TCF12: variants seen among roughly 807,000 people sequenced by gnomAD.
TCF12 encodes DNA-binding protein HTF4.
Under a neutral mutation model 86.0 loss-of-function variants are expected in TCF12, and 45 were observed. The observed-to-expected ratio is 0.52, with a 90% CI of 0.41 to 0.67. The LOEUF is 0.67. TCF12 is among the 30% of genes least tolerant of loss of function. TCF12 has a pLI of 0.00. For missense variants in TCF12, 881 were observed against 859.9 expected (o/e 1.02, Z -0.31); for synonymous variants, 330 against 299.6 (o/e 1.10, Z -1.05).
chr15:57,075,787 T>TTTCG (rs2069859403), intron 4 of TCF12, among the ~76,000 whole-genome samples: 1 of 54,428 alleles, frequency 1.8e-5, no homozygotes, highest in African/African-American at 8.4e-5. Flanking sequence ...TCTTTCTTTC[T>TTTCG]TTCTTTCTTT....
At chr15:56,919,708 G>A (rs1302126586) in intron 1 of TCF12, 184 bp from the exon 2 acceptor site, 1 of 447,036 alleles carries the variant, frequency 2.2e-6, no homozygotes, top group Non-Finnish European at 4.0e-6. Context: ...TGGATTCCGG[G>A]ACCCGGCGCG....
chr15:57,262,336 G>A (rs1220682570), intron 17 of TCF12, 128 bp downstream of exon 17: 11 of 716,944 alleles, frequency 1.5e-5, no homozygotes, highest in Admixed American at 8.5e-5. Flanking sequence ...TCCAAATAGC[G>A]TGGAGAGCAG....
intron 4 of TCF12, among the ~76,000 whole-genome samples, chr15:57,080,478 G>T (rs2070532299): frequency 6.6e-6 from 1 of 152,160 alleles, no homozygotes; most frequent in Non-Finnish European, 1.5e-5. Flanking sequence ...AGGAATTGAG[G>T]AAGGGGATAA....
At chr15:57,017,933 AT>A (rs1449796502) in intron 3 of TCF12, among the ~76,000 whole-genome samples, 1 of 152,120 alleles carries the variant, frequency 6.6e-6, no homozygotes, top group Non-Finnish European at 1.5e-5. Context: ...GGGACACCAG[AT>A]TATTTTGGTA....
At chr15:56,979,919 G>C (rs534133244) in intron 3 of TCF12, among the ~76,000 whole-genome samples, 3 of 152,210 alleles carry the variant, frequency 2.0e-5, no homozygotes, top group African/African-American at 4.8e-5. Flanking sequence ...CCTGTTAATC[G>C]TAACAGTGGA....
intron 5 of TCF12, among the ~76,000 whole-genome samples, chr15:57,157,960 C>A (rs2054231699): frequency 6.6e-6 from 1 of 152,092 alleles, no homozygotes; most frequent in Non-Finnish European, 1.5e-5. Flanking sequence ...ACCCACCTCA[C>A]CCTCTCAAAT....
At chr15:56,937,293 A>G (rs1431210166) in intron 3 of TCF12, among the ~76,000 whole-genome samples, 1 of 151,632 alleles carries the variant, frequency 6.6e-6, no homozygotes, top group Admixed American at 6.6e-5. Flanking sequence ...GGTGTATAGT[A>G]GAGCTACTGA....
At chr15:57,039,566 CA>C (rs200977505) in intron 3 of TCF12, among the ~76,000 whole-genome samples, 6,125 of 151,740 alleles carry the variant, frequency 0.04, 369 homozygotes, top group Admixed American at 0.17. Flanking sequence ...TACCCATGAC[CA>C]AAAAAAATCC....
intron 2 of TCF12, 66 bp downstream of exon 2, chr15:56,920,054 C>T (rs140090839): frequency 6.4e-7 from 1 of 1,568,006 alleles, no homozygotes; most frequent in Non-Finnish European, 8.8e-7. Flanking sequence ...TTGTTTGTTT[C>T]TTTTAAATAA....
At chr15:57,160,326 G>C (rs114718814) in intron 5 of TCF12, among the ~76,000 whole-genome samples, 4,761 of 152,160 alleles carry the variant, frequency 0.031, 248 homozygotes, top group African/African-American at 0.11. Flanking sequence ...CAGAGCAAAG[G>C]GGGGAAAAGT....
chr15:57,127,446 A>G (rs1048724161), intron 5 of TCF12, among the ~76,000 whole-genome samples: 1 of 152,164 alleles, frequency 6.6e-6, no homozygotes, highest in Non-Finnish European at 1.5e-5. Flanking sequence ...AGTAAAGGCA[A>G]CCTATAATAG....
At chr15:57,041,150 G>T (rs2066871192) in intron 3 of TCF12, among the ~76,000 whole-genome samples, 1 of 152,060 alleles carries the variant, frequency 6.6e-6, no homozygotes, top group African/African-American at 2.4e-5. Flanking sequence ...AAAATGCATT[G>T]GAAGACAGAT....
intron 5 of TCF12, among the ~76,000 whole-genome samples, chr15:57,092,221 T>G (rs2049035817): frequency 6.6e-6 from 1 of 152,220 alleles, no homozygotes; most frequent in Non-Finnish European, 1.5e-5. Context: ...ATGTTACTAT[T>G]TCTCTTAACA....
chr15:57,208,267 C>T (rs1007404870), intron 8 of TCF12, among the ~76,000 whole-genome samples: 24 of 151,470 alleles, frequency 1.6e-4, no homozygotes, highest in Admixed American at 1.6e-3. Context: ...CTCCTGACCT[C>T]GTGATCCACC....
At chr15:57,122,365 A>G (rs1382869233) in intron 5 of TCF12, among the ~76,000 whole-genome samples, 1 of 152,212 alleles carries the variant, frequency 6.6e-6, no homozygotes, top group Admixed American at 6.5e-5. Flanking sequence ...CAGAAAGACA[A>G]TGTAATTCTC....
chr15:57,083,539 AT>A, intron 4 of TCF12, among the ~76,000 whole-genome samples: 1 of 152,144 alleles, frequency 6.6e-6, no homozygotes. Flanking sequence ...ACTTTTTATA[AT>A]TAATTTTCTA....
At chr15:57,239,734 T>C (rs867960063) in intron 12 of TCF12, among the ~76,000 whole-genome samples, 1 of 151,300 alleles carries the variant, frequency 6.6e-6, no homozygotes, top group Non-Finnish European at 1.5e-5. Context: ...AAGGGTAGAG[T>C]GGCAGAGGAA....
chr15:56,927,622 T>C lies in TCF12; in HGVS notation c.148+6524T>C, dbSNP rs143189646. The stretch of plus-strand genomic sequence containing the variant: ...GGATTTTTGTTAATTTGCTTTTTGA[T>C]ATGATAAATAATGTGGTACTGACCA... On this transcript the variant is annotated intron_variant, in intron 3 of 20. Transcript: ENST00000333725. Among the ~76,000 whole-genome samples the C allele has an allele frequency of 1.4e-4, 21 of 152,354 alleles. No homozygotes were observed. The East Asian group carries it at 3.9e-3, about 28-fold the overall frequency.
At chr15:57,000,846 TTTC>T (rs1261624065) in intron 3 of TCF12, among the ~76,000 whole-genome samples, 1 of 152,066 alleles carries the variant, frequency 6.6e-6, no homozygotes, top group African/African-American at 2.4e-5. Flanking sequence ...TTGGCTCCTA[TTTC>T]TTCATTTTAG....
Sources: allele counts gnomAD v4.1 joint callset (sites outside exome capture counted in the v4.1 genomes callset), GRCh38; gene constraint gnomAD v4.1.1; transcripts MANE v1.5; gene names NCBI Gene and HGNC (gene_info 2026-07-23, HGNC 2026-07-21).